The following ELL variants were observed in gnomAD, a reference collection of about 807,000 sequenced individuals.
ELL encodes the protein elongation factor for RNA polymerase II, also known as RNA polymerase II elongation factor ELL.
In ELL, 18 loss-of-function variants were observed where a neutral mutation model predicts 64.0. The observed-to-expected ratio is 0.28, with a 90% CI of 0.19 to 0.42. The LOEUF (loss-of-function observed/expected upper bound fraction) is 0.42. Ranked by LOEUF, ELL falls within the 10% of genes least tolerant of loss-of-function variation. The pLI is 1.00. For synonymous variants in ELL, 399 were observed against 376.2 expected, an observed-to-expected ratio of 1.06 and a Z score of -0.70; for missense variants, 797 against 870.4, an observed-to-expected ratio of 0.92 and a Z score of 1.06.
At position 18,444,067 on chromosome 19, in the gene ELL, C is replaced by G. The variant is rs1974354840; in HGVS notation, c.*685G>C. ...GGGGGCGCTGAAAGCCCTCTGCCCC[C>G]TTGGCTCTGAGCAGCTGTCTGGGGG... On this transcript the variant is annotated 3_prime_UTR_variant, in exon 12 of 12. Coordinates refer to ENST00000262809, the MANE Select transcript of ELL (RefSeq NM_006532.4). The G allele has an allele frequency of 4.3e-6, 1 of 231,644 alleles. No individual in the cohort carries two copies. The highest frequency in any genetic ancestry group is 2.2e-5 in the African/African-American group (1 of 45,256). 14.3% of individuals were successfully genotyped at this position (231,644 alleles called of 1,614,324 possible).
intron 1 of ELL, among the ~76,000 whole-genome samples, chr19:18,513,322 C>G (rs1473667682): frequency 2.6e-5 from 4 of 152,190 alleles, no homozygotes; most frequent in African/African-American, 9.6e-5. Flanking sequence ...TCCGGACATC[C>G]CCAGAACCAA....
chr19:18,466,618 C>T (rs1270181097), intron 2 of ELL, among the ~76,000 whole-genome samples: 5 of 152,206 alleles, frequency 3.3e-5, no homozygotes, highest in African/African-American at 9.6e-5. Flanking sequence ...GGCGGATGGA[C>T]GGACTGCGCT....
intron 1 of ELL, among the ~76,000 whole-genome samples, chr19:18,482,481 G>A (rs1368039911): frequency 4.6e-5 from 7 of 151,670 alleles, no homozygotes; most frequent in Non-Finnish European, 1.0e-4. Flanking sequence ...GACTACAGGT[G>A]CGTACTACCA....
At chr19:18,519,654 A>C (rs547990759) in intron 1 of ELL, among the ~76,000 whole-genome samples, 10 of 152,096 alleles carry the variant, frequency 6.6e-5, no homozygotes, top group Non-Finnish European at 1.5e-4. Flanking sequence ...TAAAAATACA[A>C]AAATTAGCCG....
At chr19:18,472,474 G>C (rs1449966815) in intron 2 of ELL, 13 of 276,470 alleles carry the variant, frequency 4.7e-5, no homozygotes, top group African/African-American at 2.9e-4. Context: ...AGCTCAGGTG[G>C]TCGTGCTCAC....
chr19:18,500,962 C>T (rs1407207904), intron 1 of ELL, among the ~76,000 whole-genome samples: 1 of 151,140 alleles, frequency 6.6e-6, no homozygotes, highest in East Asian at 1.9e-4. Flanking sequence ...TTCAACTCCA[C>T]AGAGTTGACT....
intron 1 of ELL, among the ~76,000 whole-genome samples, chr19:18,497,528 A>G (rs992229153): frequency 6.6e-6 from 1 of 152,182 alleles, no homozygotes; most frequent in African/African-American, 2.4e-5. Flanking sequence ...TCCAGATGAT[A>G]AAGACGTCAG....
chr19:18,503,661 A>C (rs1230627758), intron 1 of ELL, among the ~76,000 whole-genome samples: 3 of 152,160 alleles, frequency 2.0e-5, no homozygotes, highest in African/African-American at 7.2e-5. Flanking sequence ...ATGTCTGAGC[A>C]GTGGTGGGAA....
At chr19:18,459,521 ATT>A (rs773327507) in intron 5 of ELL, among the ~76,000 whole-genome samples, 27 of 138,224 alleles carry the variant, frequency 2.0e-4, no homozygotes, top group Admixed American at 5.0e-4. Flanking sequence ...CATGGGGAGC[ATT>A]TTTTTTTTTT....
intron 2 of ELL, among the ~76,000 whole-genome samples, chr19:18,466,899 C>T (rs557001437): frequency 3.3e-5 from 5 of 152,288 alleles, no homozygotes; most frequent in Middle Eastern, 3.4e-3. Flanking sequence ...ACCATGAGCG[C>T]GGGAGAGACT....
intron 1 of ELL, among the ~76,000 whole-genome samples, chr19:18,506,923 C>G (rs971820942): frequency 6.6e-6 from 1 of 152,184 alleles, no homozygotes; most frequent in Non-Finnish European, 1.5e-5. Context: ...CACGGCTCCA[C>G]TTCCTATCTA....
intron 4 of ELL, among the ~76,000 whole-genome samples, chr19:18,462,379 G>GGGGGGT (rs1974847179): frequency 1.2e-5 from 1 of 82,064 alleles, no homozygotes; most frequent in South Asian, 5.5e-4. Context: ...GCGGGGGGCG[G>GGGGGGT]GGGGGGAAGG....
intron 6 of ELL, among the ~76,000 whole-genome samples, chr19:18,455,152 AAAAAG>A (rs894849318): frequency 3.3e-5 from 5 of 151,334 alleles, no homozygotes; most frequent in African/African-American, 1.2e-4. Flanking sequence ...AAAAAAAAAA[AAAAAG>A]AAAGAAAGAA....
intron 1 of ELL, among the ~76,000 whole-genome samples, chr19:18,485,290 T>C (rs1383012383): frequency 6.6e-6 from 1 of 152,178 alleles, no homozygotes; most frequent in African/African-American, 2.4e-5. Context: ...GACAAGGCCA[T>C]GTGTGTGCCT....
rs748950436 is a variant in ELL, at chr19:18,472,886, TAAAAAAAAAAA to T, written c.136-15_136-5del. 230 of 1,218,368 alleles carry T rather than the reference TAAAAAAAAAAA, an allele frequency of 1.9e-4. No homozygotes were observed. The highest frequency in any genetic ancestry group is 2.2e-4 in the Non-Finnish European group (209 of 965,368). The allele number at this position is 1,218,368 out of a possible 1,614,324, so 75.5% of individuals were successfully genotyped here. A position where few individuals can be genotyped will look rare whatever the true frequency, so the allele number is the denominator to read the frequency against. ...ATGGCCTCAGTGAAACAGAATCCTA[TAAAAAAAAAAA>T]AAAAAAAAAAAAGGTGAGGGGAACA... On this transcript the variant is annotated splice_region_variant and splice_polypyrimidine_tract_variant and intron_variant, in intron 1 of 11. Transcript: ENST00000262809.
chr19:18,471,529 A>G (rs1975065138), intron 2 of ELL, among the ~76,000 whole-genome samples: 1 of 152,226 alleles, frequency 6.6e-6, no homozygotes. Flanking sequence ...TTAGCCAGGC[A>G]TGGTGGCAGG....
At chr19:18,445,380 T>C (rs1295383047) in intron 10 of ELL, 112 bp from the exon 11 acceptor site, 1 of 1,109,870 alleles carries the variant, frequency 9.0e-7, no homozygotes, top group Non-Finnish European at 1.4e-6. Context: ...TGGGGCAGCC[T>C]CAAGGACAAG....
intron 1 of ELL, among the ~76,000 whole-genome samples, chr19:18,509,420 T>C (rs969518616): frequency 1.3e-5 from 2 of 152,104 alleles, no homozygotes; most frequent in African/African-American, 2.4e-5. Context: ...TTTGGGTTCC[T>C]GGTGGGGAGT....
At chr19:18,468,278 C>T (rs1974994751) in intron 2 of ELL, among the ~76,000 whole-genome samples, 2 of 152,066 alleles carry the variant, frequency 1.3e-5, no homozygotes, top group Non-Finnish European at 2.9e-5. Flanking sequence ...CACAACCTCC[C>T]ACACACAAAC....
Sources: gnomAD v4.1 joint callset for allele counts (sites outside exome capture counted in the v4.1 genomes callset) on GRCh38, gnomAD v4.1.1 for gene constraint, MANE v1.5 for transcripts, NCBI Gene and HGNC (gene_info 2026-07-23, HGNC 2026-07-21) for gene names.